Variants in STXBP5L observed in about 807,000 individuals in gnomAD.
STXBP5L encodes the protein syntaxin-binding protein 5-like.
STXBP5L carries 65 observed loss-of-function variants against 144.5 expected under a neutral mutation model. The ratio of observed to expected loss-of-function variants is 0.45; its 90% CI spans 0.37 to 0.55. The LOEUF (loss-of-function observed/expected upper bound fraction) is 0.55. STXBP5L is among the 20% of genes least tolerant of loss of function. The probability of loss-of-function intolerance (pLI) is 0.00; values close to 1 mark genes in which losing one functional copy is unlikely to be tolerated. For missense variants in STXBP5L, 1,298 were observed against 1,405.5 expected (o/e 0.92, Z 1.22); for synonymous variants, 505 against 469.6 (o/e 1.08, Z -0.97).
intron 5 of STXBP5L, among the ~76,000 whole-genome samples, chr3:121,068,362 C>A (rs927618652): frequency 1.3e-5 from 2 of 152,144 alleles, no homozygotes; most frequent in Non-Finnish European, 2.9e-5. Flanking sequence ...ATTGATATAG[C>A]TAGGTTTTTA....
chr3:121,411,334 T>C (rs181463783), intron 23 of STXBP5L, among the ~76,000 whole-genome samples: 1 of 152,066 alleles, frequency 6.6e-6, no homozygotes, highest in South Asian at 2.1e-4. Flanking sequence ...ACCACTTTGA[T>C]AAAGGAAATC....
intron 3 of STXBP5L, among the ~76,000 whole-genome samples, chr3:121,022,402 G>A (rs1168148227): frequency 6.6e-6 from 1 of 151,786 alleles, no homozygotes; most frequent in East Asian, 1.9e-4. Flanking sequence ...AGATAAAAGA[G>A]GTAATCCTCT....
chr3:120,938,221 T>C (rs755646163), intron 2 of STXBP5L, among the ~76,000 whole-genome samples: 12 of 152,172 alleles, frequency 7.9e-5, no homozygotes, highest in Non-Finnish European at 1.2e-4. Flanking sequence ...GTAATATTTC[T>C]ACTTAATATA....
At chr3:120,977,684 A>G (rs943703273) in intron 3 of STXBP5L, among the ~76,000 whole-genome samples, 4 of 152,184 alleles carry the variant, frequency 2.6e-5, no homozygotes, top group African/African-American at 4.8e-5. Context: ...GGCTGGTACC[A>G]GTTGTTTCTT....
intron 22 of STXBP5L, among the ~76,000 whole-genome samples, chr3:121,402,332 A>G (rs1287957880): frequency 6.6e-6 from 1 of 152,188 alleles, no homozygotes; most frequent in African/African-American, 2.4e-5. Context: ...TAAAGTTTAA[A>G]CAATGTATGT....
chr3:121,220,390 T>C (rs1374793037), intron 10 of STXBP5L, among the ~76,000 whole-genome samples: 3 of 152,110 alleles, frequency 2.0e-5, no homozygotes, highest in African/African-American at 7.2e-5. Context: ...ATCTGATAGG[T>C]ATCCCTTAAT....
intron 3 of STXBP5L, among the ~76,000 whole-genome samples, chr3:120,978,755 T>G (rs1941391631): frequency 6.6e-6 from 1 of 152,232 alleles, no homozygotes. Flanking sequence ...TTAGTTTTCC[T>G]TCTAACAGAT....
intron 9 of STXBP5L, among the ~76,000 whole-genome samples, chr3:121,200,833 C>T (rs765421583): frequency 2.0e-5 from 3 of 152,196 alleles, no homozygotes; most frequent in Non-Finnish European, 1.5e-5. Context: ...TTTGATTGCA[C>T]TGTGGTCTGA....
chr3:120,973,841 A>G (rs1056087439), intron 3 of STXBP5L, among the ~76,000 whole-genome samples: 6 of 151,838 alleles, frequency 4.0e-5, no homozygotes, highest in Non-Finnish European at 5.9e-5. Flanking sequence ...ATGATTTCCA[A>G]TTTCATCCAT....
At chr3:120,946,545 T>G (rs187368933) in intron 2 of STXBP5L, among the ~76,000 whole-genome samples, 1 of 151,840 alleles carries the variant, frequency 6.6e-6, no homozygotes, top group Admixed American at 6.6e-5. Flanking sequence ...TCTGCTGAAC[T>G]AAAACTTCTA....
chr3:121,153,333 T>C (rs780703109), intron 8 of STXBP5L, among the ~76,000 whole-genome samples: 1 of 152,060 alleles, frequency 6.6e-6, no homozygotes. Flanking sequence ...CTTTTGTACC[T>C]GTGGAAACAA....
chr3:121,346,164 C>A (rs573824314), intron 20 of STXBP5L, among the ~76,000 whole-genome samples: 1 of 146,624 alleles, frequency 6.8e-6, no homozygotes, highest in East Asian at 2.1e-4. Context: ...TCCATGTGTT[C>A]TCATTGTTCA....
chr3:121,192,322 G>A (rs1429972329), intron 9 of STXBP5L, among the ~76,000 whole-genome samples: 4 of 151,826 alleles, frequency 2.6e-5, no homozygotes, highest in African/African-American at 9.7e-5. Flanking sequence ...AAATAAAAGG[G>A]GACACAAACA....
chr3:121,081,335 C>A (rs2042240088), intron 5 of STXBP5L, among the ~76,000 whole-genome samples: 1 of 151,830 alleles, frequency 6.6e-6, no homozygotes, highest in East Asian at 1.9e-4. Flanking sequence ...TCAAATTGTT[C>A]TTGAATTTAG....
intron 3 of STXBP5L, among the ~76,000 whole-genome samples, chr3:121,021,000 C>A (rs1446005034): frequency 6.6e-6 from 1 of 151,986 alleles, no homozygotes; most frequent in East Asian, 1.9e-4. Context: ...ATTTACCAAC[C>A]AAGTATCTGC....
chr3:121,359,306 A>AT (rs1441650402), intron 20 of STXBP5L, among the ~76,000 whole-genome samples: 1 of 151,954 alleles, frequency 6.6e-6, no homozygotes, highest in Non-Finnish European at 1.5e-5. Context: ...AGATTATTAG[A>AT]TTTTTTTCAT....
intron 5 of STXBP5L, among the ~76,000 whole-genome samples, chr3:121,094,251 G>T (rs2042991200): frequency 6.6e-6 from 1 of 152,164 alleles, no homozygotes; most frequent in Non-Finnish European, 1.5e-5. Context: ...ATATTCTGTT[G>T]ATTTGGGGTG....
At chr3:120,985,787 T>C (rs1942233614) in intron 3 of STXBP5L, among the ~76,000 whole-genome samples, 1 of 151,972 alleles carries the variant, frequency 6.6e-6, no homozygotes, top group African/African-American at 2.4e-5. Flanking sequence ...ATTTCTGACT[T>C]TAGTAATTTG....
At chr3:121,295,497 A>C (rs1251419708) in intron 19 of STXBP5L, among the ~76,000 whole-genome samples, 2 of 152,286 alleles carry the variant, frequency 1.3e-5, no homozygotes, top group East Asian at 3.9e-4. Context: ...ACTACTTTGA[A>C]TTGTAATTAG....
Sources: allele counts gnomAD v4.1 joint callset (sites outside exome capture counted in the v4.1 genomes callset), GRCh38; gene constraint gnomAD v4.1.1; transcripts MANE v1.5; gene names NCBI Gene and HGNC (gene_info 2026-07-23, HGNC 2026-07-21).